Variants in NEDD4L observed in about 807,000 individuals in gnomAD.
The protein encoded by NEDD4L is E3 ubiquitin-protein ligase NEDD4-like.
A neutral mutation model predicts 148.9 loss-of-function variants in NEDD4L; 54 were observed. The ratio of observed to expected loss-of-function variants is 0.36; its 90% CI spans 0.29 to 0.45. The LOEUF is 0.45. NEDD4L is among the 20% of genes least tolerant of loss of function. NEDD4L has a pLI of 1.00. For synonymous variants in NEDD4L, 433 were observed against 440.7 expected (o/e 0.98, Z 0.22); for missense variants, 856 against 1,233.8 (o/e 0.69, Z 4.59).
intron 5 of NEDD4L, among the ~76,000 whole-genome samples, chr18:58,265,941 A>G (rs1311359276): frequency 6.6e-6 from 1 of 152,116 alleles, no homozygotes; most frequent in East Asian, 1.9e-4. Flanking sequence ...GAAAAACTAA[A>G]GAAATGAATA....
chr18:58,384,249 C>T (rs543799622), intron 25 of NEDD4L, among the ~76,000 whole-genome samples: 18 of 152,270 alleles, frequency 1.2e-4, no homozygotes, highest in Non-Finnish European at 1.6e-4. Context: ...TAGGAAGAAA[C>T]GGAGCGTGTT....
At chr18:58,096,452 G>A (rs1184659171) in intron 1 of NEDD4L, among the ~76,000 whole-genome samples, 7 of 150,286 alleles carry the variant, frequency 4.7e-5, no homozygotes. Flanking sequence ...CACCCAGGCT[G>A]GAGCGCAGTG....
intron 2 of NEDD4L, among the ~76,000 whole-genome samples, chr18:58,229,425 C>T (rs1304726445): frequency 6.6e-6 from 1 of 152,156 alleles, no homozygotes; most frequent in East Asian, 1.9e-4. Context: ...ACATTGCCTG[C>T]GGTGATCTAT....
intron 5 of NEDD4L, among the ~76,000 whole-genome samples, chr18:58,290,097 C>T (rs1600757128): frequency 1.3e-5 from 2 of 152,324 alleles, no homozygotes; most frequent in Middle Eastern, 6.8e-3. Context: ...AAATTAATAT[C>T]ATCATAAACT....
At chr18:58,327,339 C>T (rs910777962) in intron 9 of NEDD4L, among the ~76,000 whole-genome samples, 4 of 152,174 alleles carry the variant, frequency 2.6e-5, no homozygotes, top group African/African-American at 7.2e-5. Context: ...TCAGGTGATC[C>T]GCCCACCTCA....
chr18:58,177,139 A>G (rs955960963), intron 2 of NEDD4L, among the ~76,000 whole-genome samples: 1 of 151,782 alleles, frequency 6.6e-6, no homozygotes, highest in African/African-American at 2.4e-5. Context: ...GCCCCTCCTC[A>G]TTCCTTCCTC....
intron 1 of NEDD4L, among the ~76,000 whole-genome samples, chr18:58,162,456 A>G (rs1199645246): frequency 6.6e-6 from 1 of 151,922 alleles, no homozygotes; most frequent in African/African-American, 2.4e-5. Flanking sequence ...CTTTTCGCCA[A>G]AGAAGCCTTT....
At chr18:58,375,027 C>A (rs2047378496) in intron 24 of NEDD4L, among the ~76,000 whole-genome samples, 1 of 152,128 alleles carries the variant, frequency 6.6e-6, no homozygotes, top group Non-Finnish European at 1.5e-5. Context: ...GCCACTTTTT[C>A]CTCCCCAGCC....
intron 16 of NEDD4L, among the ~76,000 whole-genome samples, chr18:58,345,345 G>A (rs1035533266): frequency 2.6e-5 from 4 of 152,224 alleles, no homozygotes; most frequent in Admixed American, 1.3e-4. Context: ...ATGAAGAGCC[G>A]GAGGGAAGCA....
At chr18:58,374,628 C>T (rs929123762) in intron 24 of NEDD4L, among the ~76,000 whole-genome samples, 3 of 152,090 alleles carry the variant, frequency 2.0e-5, no homozygotes, top group South Asian at 4.2e-4. Context: ...ACCGAGAGTA[C>T]TGGTGTCTCC....
At chr18:58,086,393 T>C (rs2083760923) in intron 1 of NEDD4L, among the ~76,000 whole-genome samples, 1 of 152,182 alleles carries the variant, frequency 6.6e-6, no homozygotes, top group African/African-American at 2.4e-5. Flanking sequence ...GATGTGGGTG[T>C]GGCAGGGGAT....
At chr18:58,302,883 A>G (rs1444284917) in intron 5 of NEDD4L, among the ~76,000 whole-genome samples, 1 of 152,232 alleles carries the variant, frequency 6.6e-6, no homozygotes, top group East Asian at 1.9e-4. Context: ...CTTTGAACAC[A>G]TGCTTCGAGG....
At chr18:58,384,479 C>T (rs2048751040) in intron 25 of NEDD4L, among the ~76,000 whole-genome samples, 1 of 152,204 alleles carries the variant, frequency 6.6e-6, no homozygotes, top group Non-Finnish European at 1.5e-5. Context: ...AAAGTACAGA[C>T]TGTGAGTGGG....
intron 1 of NEDD4L, among the ~76,000 whole-genome samples, chr18:58,104,394 C>T (rs980655844): frequency 6.6e-6 from 1 of 152,108 alleles, no homozygotes; most frequent in Non-Finnish European, 1.5e-5. Flanking sequence ...TCTGGGGCGA[C>T]AGAAAATGTT....
intron 1 of NEDD4L, among the ~76,000 whole-genome samples, chr18:58,153,521 G>A (rs1301721011): frequency 6.6e-6 from 1 of 151,824 alleles, no homozygotes. Flanking sequence ...TCTATTTTTA[G>A]TAGATATGGG....
intron 30 of NEDD4L, among the ~76,000 whole-genome samples, chr18:58,395,659 T>C (rs916735302): frequency 2.0e-5 from 3 of 152,224 alleles, no homozygotes; most frequent in Non-Finnish European, 2.9e-5. Context: ...ACAAAGACTG[T>C]GACCTCAGGA....
At position 58,322,814 on chromosome 18, in the gene NEDD4L, G is replaced by A. The variant is rs544725387; in HGVS notation, c.410+328G>A. 7.2e-4 allele frequency among the ~76,000 whole-genome samples: 99 copies of A among 137,258 alleles called. 1 individual carries two copies. Among genetic ancestry groups the A allele is most frequent in the Non-Finnish European group, 6.9e-4 (44 of 64,136 alleles). The allele number at this position is 137,258 out of a possible 152,430, so 90.0% of individuals were successfully genotyped here. A position where few individuals can be genotyped will look rare whatever the true frequency, so the allele number is the denominator to read the frequency against. Reference sequence around the variant, plus strand: ...GGGGAGGCCTGCCTTGCATGCTGTGGGTATAGGTGGGGATGCCTGCCTTGC... The same window carrying A: ...GGGGAGGCCTGCCTTGCATGCTGTGAGTATAGGTGGGGATGCCTGCCTTGC... On this transcript the variant is annotated intron_variant, in intron 7 of 30. Transcript: ENST00000400345.
chr18:58,205,451 A>G (rs2041882976), intron 2 of NEDD4L, among the ~76,000 whole-genome samples: 1 of 152,180 alleles, frequency 6.6e-6, no homozygotes, highest in South Asian at 2.1e-4. Context: ...AGTTTGTTTT[A>G]TAATCATAAG....
intron 30 of NEDD4L, among the ~76,000 whole-genome samples, chr18:58,392,230 T>C (rs2049928740): frequency 6.6e-6 from 1 of 152,228 alleles, no homozygotes; most frequent in African/African-American, 2.4e-5. Flanking sequence ...TAACTCAAAC[T>C]CCCATGTCCC....
Sources: allele counts gnomAD v4.1 joint callset (sites outside exome capture counted in the v4.1 genomes callset), GRCh38; gene constraint gnomAD v4.1.1; transcripts MANE v1.5; gene names NCBI Gene and HGNC (gene_info 2026-07-23, HGNC 2026-07-21).